CACNA1B: variants seen among roughly 807,000 people sequenced by gnomAD.
The protein encoded by CACNA1B is voltage-dependent N-type calcium channel subunit alpha-1B.
In CACNA1B, 70 loss-of-function variants were observed where a neutral mutation model predicts 247.2. The ratio of observed to expected loss-of-function variants is 0.28; its 90% CI spans 0.23 to 0.35. CACNA1B has a LOEUF of 0.35. CACNA1B is among the 10% of genes least tolerant of loss of function. The pLI, the probability that CACNA1B is intolerant of heterozygous loss-of-function variation, is 1.00. For missense variants in CACNA1B, 2,367 were observed against 3,197.4 expected (o/e 0.74, Z 6.26); for synonymous variants, 1,231 against 1,294.4 (o/e 0.95, Z 1.05).
chr9:137,879,713 C>A (rs1024192033), intron 2 of CACNA1B, among the ~76,000 whole-genome samples: 2 of 152,166 alleles, frequency 1.3e-5, no homozygotes, highest in African/African-American at 4.8e-5. Flanking sequence ...GCCAAGAGGC[C>A]CCCGTGGTAG....
At chr9:138,045,601 G>C (rs774532879) in intron 21 of CACNA1B, among the ~76,000 whole-genome samples, 1 of 152,182 alleles carries the variant, frequency 6.6e-6, no homozygotes, top group Non-Finnish European at 1.5e-5. Context: ...CTGGGGTCCC[G>C]CCTGCAGACC....
intron 6 of CACNA1B, among the ~76,000 whole-genome samples, chr9:137,924,995 T>C (rs918403955): frequency 6.6e-6 from 1 of 152,242 alleles, no homozygotes; most frequent in Admixed American, 6.5e-5. Flanking sequence ...GAAGCTTGTT[T>C]ATACTGGCAG....
chr9:137,883,062 C>CT (rs1956950769), intron 3 of CACNA1B, 179 bp downstream of exon 3: 1 of 671,736 alleles, frequency 1.5e-6, no homozygotes, highest in Non-Finnish European at 2.6e-6. Flanking sequence ...TATGGGGGTG[C>CT]TTCTCCCAGG....
Position 137,880,557 on chromosome 9 carries a change from C to A in CACNA1B, c.390+1398C>A, listed in dbSNP as rs935489097. On this transcript the variant is annotated intron_variant, in intron 2 of 46. Transcript: ENST00000371372. The surrounding 1 kb of genome is among the most constrained non-coding windows in gnomAD (Gnocchi z 4.8). ...GATCAAGCTGTCTTGCCCTGCCAGGCAGTGGGTGTCCAGCCTTGCAAGTTC... is the reference window on the plus strand; with the variant it reads ...GATCAAGCTGTCTTGCCCTGCCAGGAAGTGGGTGTCCAGCCTTGCAAGTTC... Among the ~76,000 whole-genome samples the A allele has an allele frequency of 6.6e-6, 1 of 152,188 alleles. No individual in the cohort carries two copies. The highest frequency in any genetic ancestry group is 2.4e-5 in the African/African-American group (1 of 41,444).
chr9:137,901,206 T>C (rs1206615630), intron 3 of CACNA1B, among the ~76,000 whole-genome samples: 1 of 151,220 alleles, frequency 6.6e-6, no homozygotes, highest in Non-Finnish European at 1.5e-5. Context: ...GTACTGTGTG[T>C]CTCTGTGTCT....
In CACNA1B at chr9:137,920,652, C is replaced by T. The variant is rs115809177; in HGVS notation, c.966+3221C>T. ...TTTCTCCAATGACCATGTTTGGAGG[C>T]GCAGTGGAGGTAAATCATGTTGCTT... is the stretch of plus-strand genomic sequence containing the variant. On this transcript the variant is annotated intron_variant, in intron 6 of 46. Coordinates refer to ENST00000371372, the MANE Select transcript of CACNA1B (RefSeq NM_000718.4). Among the ~76,000 whole-genome samples, 1,212 of 152,276 alleles carry T rather than the reference C, an allele frequency of 8.0e-3. 14 individuals are homozygous for T. Among genetic ancestry groups the T allele is most frequent in the African/African-American group, 0.028 (1,164 of 41,542 alleles).
At position 137,966,828 on chromosome 9, in the gene CACNA1B, G is replaced by A. The variant is rs548667472; in HGVS notation, c.1334-4555G>A. 4.5e-4 allele frequency among the ~76,000 whole-genome samples: 69 copies of A among 152,208 alleles called. No individual in the cohort carries two copies. In the South Asian group the frequency reaches 4.8e-3, roughly 11 times the overall value. On this transcript the variant is annotated intron_variant, in intron 10 of 46. Coordinates refer to ENST00000371372, the MANE Select transcript of CACNA1B (RefSeq NM_000718.4). The stretch of plus-strand genomic sequence containing the variant: ...GCTGGGATTACAGGCGTGAGCCACC[G>A]CACCCAGCCAATTTTTTAAAATTTT...
intron 24 of CACNA1B, among the ~76,000 whole-genome samples, 188 bp downstream of exon 24, chr9:138,049,503 C>CT (rs1959213625): frequency 6.6e-6 from 1 of 152,188 alleles, no homozygotes; most frequent in South Asian, 2.1e-4. Flanking sequence ...GGCATGAGGT[C>CT]TGTCTGTGGC....
intron 21 of CACNA1B, among the ~76,000 whole-genome samples, chr9:138,046,265 G>A (rs543621437): frequency 3.9e-5 from 6 of 152,312 alleles, no homozygotes; most frequent in Admixed American, 3.3e-4. Flanking sequence ...CAAGCGAGTC[G>A]GGCAAATGGG....
chr9:138,076,825 T>C (rs774493493), intron 35 of CACNA1B, among the ~76,000 whole-genome samples: 1 of 152,216 alleles, frequency 6.6e-6, no homozygotes, highest in African/African-American at 2.4e-5. Flanking sequence ...TGCCTGCAGA[T>C]GCGCGCTGGG....
intron 20 of CACNA1B, among the ~76,000 whole-genome samples, chr9:138,033,267 T>G (rs1362466755): frequency 6.6e-6 from 1 of 152,236 alleles, no homozygotes; most frequent in East Asian, 1.9e-4. Flanking sequence ...GAGACTTTAT[T>G]TCTTTGCTGA....
chr9:138,111,293 T>A (rs1445578287), intron 39 of CACNA1B, among the ~76,000 whole-genome samples: 1 of 152,224 alleles, frequency 6.6e-6, no homozygotes, highest in Non-Finnish European at 1.5e-5. Context: ...GGTGCATTCA[T>A]ACAATTAAAG....
chr9:138,029,813 C>T (rs1001805472), intron 20 of CACNA1B, among the ~76,000 whole-genome samples: 1 of 151,984 alleles, frequency 6.6e-6, no homozygotes, highest in East Asian at 1.9e-4. Flanking sequence ...TGGGGTTTCA[C>T]CATGTTGGCC....
chr9:137,908,953 G>T, intron 3 of CACNA1B, among the ~76,000 whole-genome samples: 1 of 151,092 alleles, frequency 6.6e-6, no homozygotes. Flanking sequence ...TTTAAAAATT[G>T]TGGTAAAATA....
At chr9:138,089,980 C>T (rs1589122180) in intron 36 of CACNA1B, among the ~76,000 whole-genome samples, 1 of 152,110 alleles carries the variant, frequency 6.6e-6, no homozygotes, top group Non-Finnish European at 1.5e-5. Flanking sequence ...ACATTTGATG[C>T]TCATGGATTG....
chr9:138,063,465 G>A (rs1286062654), intron 31 of CACNA1B, among the ~76,000 whole-genome samples: 1 of 152,238 alleles, frequency 6.6e-6, no homozygotes, highest in Non-Finnish European at 1.5e-5. Flanking sequence ...CTGCACTCCA[G>A]CCTGGGCCAC....
At chr9:138,049,564 C>T (rs764514736) in intron 24 of CACNA1B, among the ~76,000 whole-genome samples, 10 of 152,124 alleles carry the variant, frequency 6.6e-5, no homozygotes, top group South Asian at 2.1e-4. Context: ...GGACCATCCC[C>T]GCCTGCCTGG....
rs1956879255 is a variant in CACNA1B at position 137,879,057 on chromosome 9, A to G, written c.288A>G (p.Pro96=). The stretch of plus-strand genomic sequence containing the variant: ...GGCCAGTCCTTAACTCACGCACTCC[A>G]TTCGAGTATATGATCCTGGCCACCA... ...KYAKRITEWP[P]FEYMILATII... The change falls in exon 2 of 47, where the codon CCA becomes CCG. Residue 96 remains proline, a synonymous_variant. Transcript: ENST00000371372. 12 of 1,608,574 alleles carry G rather than the reference A, an allele frequency of 7.5e-6. No homozygotes were observed. Among genetic ancestry groups the G allele is most frequent in the African/African-American group, 2.7e-5 (2 of 74,944 alleles).
At chr9:138,066,784 A>G (rs1399594419) in intron 31 of CACNA1B, among the ~76,000 whole-genome samples, 2 of 152,234 alleles carry the variant, frequency 1.3e-5, no homozygotes, top group South Asian at 2.1e-4. Flanking sequence ...TTATATTAGA[A>G]AAAGAAAACG....
Sources: allele counts gnomAD v4.1 joint callset (sites outside exome capture counted in the v4.1 genomes callset), GRCh38; gene constraint gnomAD v4.1.1; non-coding constraint Gnocchi (gnomAD v3.1); transcripts MANE v1.5; gene names NCBI Gene and HGNC (gene_info 2026-07-23, HGNC 2026-07-21).